SAMMSON: variants seen among roughly 807,000 people sequenced by gnomAD.
The protein encoded by SAMMSON is long intergenic non-protein coding RNA 1212.
At chr3:70,402,393 T>C (rs185283460) in intron 2 of SAMMSON, among the ~76,000 whole-genome samples, 2 of 152,318 alleles carry the variant, frequency 1.3e-5, no homozygotes, top group South Asian at 2.1e-4. Context: ...TTAGGGGCCT[T>C]ATAAATGTTT....
Position 70,308,570 on chromosome 3 carries a change from A to G in SAMMSON, n.739+17327A>G, listed in dbSNP as rs563228858. On this transcript the variant is annotated intron_variant and non_coding_transcript_variant, in intron 7 of 9. Transcript: ENST00000642114. Reference sequence around the variant, plus strand: ...GAACAGGCCCATGACCCATTTGGGGAAAGTCAAGGGCAATTAGGAGCCTCT... The same window carrying G: ...GAACAGGCCCATGACCCATTTGGGGGAAGTCAAGGGCAATTAGGAGCCTCT... 5.3e-5 allele frequency among the ~76,000 whole-genome samples: 8 copies of G among 152,232 alleles called. No individual in the cohort carries two copies. The East Asian group carries it at 1.4e-3, about 26-fold the overall frequency.
intron 9 of SAMMSON, among the ~76,000 whole-genome samples, chr3:70,380,908 G>A (rs1703061121): frequency 6.6e-6 from 1 of 152,122 alleles, no homozygotes. Context: ...ATTCCATGGT[G>A]TATATGTGCC....
chr3:70,378,436 A>C (rs772717184), intron 9 of SAMMSON, among the ~76,000 whole-genome samples: 3 of 152,098 alleles, frequency 2.0e-5, no homozygotes, highest in African/African-American at 4.8e-5. Context: ...ATTTACACTT[A>C]TCAATTATAG....
Position 70,020,372 on chromosome 3 carries a change from T to A in SAMMSON, n.417+6700T>A, listed in dbSNP as rs919753853. Among the ~76,000 whole-genome samples, 3 of 152,258 alleles carry A rather than the reference T, an allele frequency of 2.0e-5. No homozygotes were observed. In the East Asian group the frequency reaches 5.8e-4, roughly 29 times the overall value. On this transcript the variant is annotated intron_variant and non_coding_transcript_variant, in intron 3 of 9. Transcript: ENST00000642114. ...ACGAAAGAGTACAATTTTTGACCTC[T>A]CCTAGGAAATGACCAAAGGAACTGA...
downstream of SAMMSON, among the ~76,000 whole-genome samples, chr3:70,392,892 G>A (rs564182622): frequency 1.3e-4 from 20 of 152,178 alleles, 1 homozygote; most frequent in South Asian, 4.1e-3. Flanking sequence ...CCAGCAGAAG[G>A]CACGGGCAGT....
intron 4 of SAMMSON, among the ~76,000 whole-genome samples, chr3:70,108,342 T>TA (rs1376070804): frequency 2.0e-5 from 3 of 150,158 alleles, no homozygotes; most frequent in South Asian, 2.1e-4. Flanking sequence ...ACGCAGGCAA[T>TA]ATAAGTGCTA....
chr3:70,239,049 A>C (rs1374738689), intron 4 of SAMMSON, among the ~76,000 whole-genome samples: 3 of 152,164 alleles, frequency 2.0e-5, no homozygotes, highest in Non-Finnish European at 4.4e-5. Context: ...AATGGCTTAA[A>C]ATTGGAGGCT....
intron 3 of SAMMSON, among the ~76,000 whole-genome samples, chr3:70,030,041 C>T (rs1358952436): frequency 6.6e-6 from 1 of 152,104 alleles, no homozygotes; most frequent in Admixed American, 6.5e-5. Context: ...GATTCATACT[C>T]TGTGGAATAT....
At chr3:70,100,527 G>A (rs112749877) in intron 4 of SAMMSON, among the ~76,000 whole-genome samples, 1 of 426 alleles carries the variant, frequency 2.3e-3, no homozygotes, top group African/African-American at 3.2e-3. Flanking sequence ...GGGGGGGGGG[G>A]GGGGGGAAGC....
intron 6 of SAMMSON, among the ~76,000 whole-genome samples, chr3:70,264,084 T>A (rs1018672933): frequency 6.6e-6 from 1 of 152,222 alleles, no homozygotes; most frequent in African/African-American, 2.4e-5. Context: ...TCACTTTGCA[T>A]TTAATATTTT....
At chr3:70,096,229 T>C (rs563167955) in intron 4 of SAMMSON, among the ~76,000 whole-genome samples, 2 of 152,164 alleles carry the variant, frequency 1.3e-5, no homozygotes, top group Non-Finnish European at 2.9e-5. Context: ...ACTTGGTCAC[T>C]TGCTTCATCT....
chr3:70,211,565 T>C (rs1426553668), intron 4 of SAMMSON, among the ~76,000 whole-genome samples: 1 of 26,522 alleles, frequency 3.8e-5, no homozygotes, highest in Non-Finnish European at 7.3e-5. Context: ...CCCTTTGCCC[T>C]TCCCTTCCCT....
intron 2 of SAMMSON, among the ~76,000 whole-genome samples, chr3:70,012,987 T>C (rs536660080): frequency 6.6e-6 from 1 of 152,314 alleles, no homozygotes; most frequent in South Asian, 2.1e-4. Context: ...ATCCAGTTTG[T>C]AGACTCTGGA....
chr3:70,039,418 A>G (rs1156865782), intron 3 of SAMMSON, among the ~76,000 whole-genome samples: 1 of 152,038 alleles, frequency 6.6e-6, no homozygotes, highest in Admixed American at 6.6e-5. Context: ...AGACTTGACT[A>G]GAACAAAAAT....
At chr3:70,321,352 T>G (rs1023288351) in intron 7 of SAMMSON, among the ~76,000 whole-genome samples, 1 of 152,124 alleles carries the variant, frequency 6.6e-6, no homozygotes, top group African/African-American at 2.4e-5. Context: ...ATACAGTATG[T>G]ATTCTTTTTG....
At chr3:70,016,730 T>A (rs565358175) in intron 3 of SAMMSON, among the ~76,000 whole-genome samples, 14 of 152,328 alleles carry the variant, frequency 9.2e-5, no homozygotes, top group Admixed American at 7.8e-4. Flanking sequence ...GTCTAACATG[T>A]AAGTCTTTAA....
intron 7 of SAMMSON, among the ~76,000 whole-genome samples, chr3:70,325,612 T>C (rs1702572800): frequency 6.6e-6 from 1 of 152,184 alleles, no homozygotes; most frequent in Non-Finnish European, 1.5e-5. Context: ...TGCCATTTGC[T>C]CATTTCAAAT....
chr3:70,124,639 C>T (rs1459856574), intron 4 of SAMMSON, among the ~76,000 whole-genome samples: 1 of 151,384 alleles, frequency 6.6e-6, no homozygotes, highest in Non-Finnish European at 1.5e-5. Context: ...AGTGAAATCC[C>T]GTCTCTACTA....
At chr3:70,129,964 A>G (rs2067475471) in intron 4 of SAMMSON, among the ~76,000 whole-genome samples, 1 of 152,222 alleles carries the variant, frequency 6.6e-6, no homozygotes, top group Non-Finnish European at 1.5e-5. Context: ...GCAAATTAAC[A>G]CATCTATTAT....
Sources: allele counts gnomAD v4.1 joint callset (sites outside exome capture counted in the v4.1 genomes callset), GRCh38; gene constraint gnomAD v4.1.1; transcripts MANE v1.5; gene names NCBI Gene and HGNC (gene_info 2026-07-23, HGNC 2026-07-21).